DCX: variants seen among roughly 807,000 people sequenced by gnomAD.
DCX encodes the protein doublecortin.
DCX carries 4 observed loss-of-function variants against 20.9 expected under a neutral mutation model. The observed-to-expected ratio is 0.19, with a 90% CI of 0.09 to 0.44. DCX has a LOEUF of 0.44. Among genes scored for constraint, DCX ranks in the 20% least tolerant of loss-of-function variants. The pLI is 0.99. For missense variants in DCX, 133 were observed against 296.9 expected, an observed-to-expected ratio of 0.45 and a Z score of 4.06; for synonymous variants, 103 against 111.4, an observed-to-expected ratio of 0.92 and a Z score of 0.47.
At chrX:111,322,623 G>A (rs1246956917) in intron 5 of DCX, among the ~76,000 whole-genome samples, 1 of 112,462 alleles carries the variant, frequency 8.9e-6, no homozygotes, top group African/African-American at 3.2e-5. Context: ...AGACCCTGTG[G>A]TTTTCACAAA....
intron 3 of DCX, among the ~76,000 whole-genome samples, chrX:111,389,314 T>C (rs1043497259): frequency 9.0e-6 from 1 of 111,699 alleles, no homozygotes; most frequent in African/African-American, 3.3e-5. Flanking sequence ...TAGCAATTCC[T>C]GGGCTCTTAT....
At position 111,335,929 on chromosome X, in the gene DCX, G is replaced by A. The variant is rs185908075; in HGVS notation, c.706-2776C>T. Among the ~76,000 whole-genome samples the A allele has an allele frequency of 3.5e-3, 383 of 110,193 alleles. 3 individuals are homozygous for A. Among genetic ancestry groups the A allele is most frequent in the African/African-American group, 0.012 (362 of 30,263 alleles). The stretch of plus-strand genomic sequence containing the variant: ...AGATCACACCACTGCACTCCAGCCC[G>A]GCAACAGAGAGAGACTCCGAAAAAA... On this transcript the variant is annotated intron_variant, in intron 3 of 6. Transcript: ENST00000636035.
chrX:111,356,835 C>T (rs1008297662), intron 3 of DCX, among the ~76,000 whole-genome samples: 1 of 111,618 alleles, frequency 9.0e-6, no homozygotes, highest in East Asian at 2.8e-4. Flanking sequence ...CTAAACTTTG[C>T]GAGACTGAGG....
intron 3 of DCX, among the ~76,000 whole-genome samples, chrX:111,370,499 G>A (rs1924986451): frequency 9.0e-6 from 1 of 111,621 alleles, no homozygotes; most frequent in East Asian, 2.8e-4. Context: ...TCTATAGCAT[G>A]ATATCTCAAC....
chrX:111,378,431 C>T (rs1179300878), intron 3 of DCX, among the ~76,000 whole-genome samples: 2 of 111,699 alleles, frequency 1.8e-5, no homozygotes, highest in Non-Finnish European at 3.8e-5. Flanking sequence ...TTTTAACAAG[C>T]TACCCACATG....
intron 5 of DCX, among the ~76,000 whole-genome samples, chrX:111,325,869 C>T (rs764936696): frequency 1.8e-5 from 2 of 111,988 alleles, no homozygotes; most frequent in East Asian, 5.6e-4. Context: ...AAATCACATA[C>T]ATGATTTACA....
rs138186084 is a variant in DCX, at chrX:111,324,846, C to A, written c.946+6058G>T. ...ACTTTAGAGGGGTACTTTGCACATT[C>A]AGTTGTATGTAAACACAAGTCCCAA... is the stretch of plus-strand genomic sequence containing the variant. On this transcript the variant is annotated intron_variant, in intron 5 of 6. Coordinates refer to ENST00000636035, the MANE Select transcript of DCX (RefSeq NM_001195553.2). Among the ~76,000 whole-genome samples, 298 of 111,654 alleles carry A rather than the reference C, an allele frequency of 2.7e-3. 1 individual carries two copies. Among genetic ancestry groups the A allele is most frequent in the African/African-American group, 9.4e-3 (288 of 30,743 alleles).
chrX:111,334,977 G>A (rs1921590459), intron 3 of DCX, among the ~76,000 whole-genome samples: 1 of 111,815 alleles, frequency 8.9e-6, no homozygotes, highest in South Asian at 3.8e-4. Flanking sequence ...AGGCTACATG[G>A]TTTTGAGCCT....
intron 3 of DCX, among the ~76,000 whole-genome samples, chrX:111,346,699 T>C (rs1232056249): frequency 1.8e-5 from 2 of 112,220 alleles, no homozygotes; most frequent in Non-Finnish European, 3.8e-5. Flanking sequence ...TAAAATTAAT[T>C]GCACACATTA....
chrX:111,391,361 CTG>C (rs766986428), intron 3 of DCX, among the ~76,000 whole-genome samples: 3 of 111,583 alleles, frequency 2.7e-5, no homozygotes, highest in Non-Finnish European at 5.6e-5. Flanking sequence ...GCCTGTGGAA[CTG>C]TGAGTCAATT....
At chrX:111,314,673 A>G (rs2095065427) in intron 5 of DCX, among the ~76,000 whole-genome samples, 1 of 111,801 alleles carries the variant, frequency 8.9e-6, no homozygotes, top group Non-Finnish European at 1.9e-5. Flanking sequence ...TGAGTTGCAT[A>G]TGTTAAATTA....
intron 5 of DCX, among the ~76,000 whole-genome samples, chrX:111,328,920 C>T (rs2095105928): frequency 9.1e-6 from 1 of 110,369 alleles, no homozygotes; most frequent in African/African-American, 3.3e-5. Context: ...AATTTCTTGC[C>T]CACCAAAACT....
chrX:111,315,142 G>C (rs1303932037), intron 5 of DCX, among the ~76,000 whole-genome samples: 1 of 109,048 alleles, frequency 9.2e-6, no homozygotes, highest in Non-Finnish European at 1.9e-5. Context: ...TTTTGTATAA[G>C]GTGTAAGGAA....
intron 3 of DCX, among the ~76,000 whole-genome samples, chrX:111,367,558 G>T (rs1924723116): frequency 8.9e-6 from 1 of 111,756 alleles, no homozygotes; most frequent in Admixed American, 9.5e-5. Context: ...ATGCTCTGCT[G>T]TAAAATGCGT....
At chrX:111,403,359 T>C (rs2147266149) in intron 2 of DCX, among the ~76,000 whole-genome samples, 1 of 112,076 alleles carries the variant, frequency 8.9e-6, no homozygotes, top group African/African-American at 3.2e-5. Flanking sequence ...TATTAGGACT[T>C]TGGACTTTTT....
At chrX:111,333,893 G>A (rs1264541696) in intron 3 of DCX, among the ~76,000 whole-genome samples, 2 of 111,666 alleles carry the variant, frequency 1.8e-5, no homozygotes, top group Non-Finnish European at 3.8e-5. Context: ...AGAGATGAGG[G>A]TCCCTGGGAA....
intron 1 of DCX, chrX:111,411,619 T>C (rs1928722823): frequency 8.9e-6 from 1 of 112,026 alleles, no homozygotes. Context: ...ACTATTAACA[T>C]GCATCTCACA....
At chrX:111,382,685 G>C (rs1926071504) in intron 3 of DCX, among the ~76,000 whole-genome samples, 1 of 111,364 alleles carries the variant, frequency 9.0e-6, no homozygotes, top group South Asian at 3.8e-4. Flanking sequence ...GGATCTGTTG[G>C]GGAGATAGAC....
rs192686850 is a variant in DCX, at chrX:111,409,471, A to G, written c.364+564T>C. ...ACAGCTTTCTTTGGTATTTCTCCCA[A>G]TGACCTCAGCCTTAGGGACACACCC... On this transcript the variant is annotated intron_variant, in intron 2 of 6. Coordinates refer to ENST00000636035, the MANE Select transcript of DCX (RefSeq NM_001195553.2). Among the ~76,000 whole-genome samples the G allele has an allele frequency of 9.8e-5, 11 of 111,811 alleles. No individual in the cohort carries two copies. The East Asian group carries it at 2.3e-3, about 23-fold the overall frequency.
Sources: gnomAD v4.1 joint callset for allele counts (sites outside exome capture counted in the v4.1 genomes callset) on GRCh38, gnomAD v4.1.1 for gene constraint, MANE v1.5 for transcripts, NCBI Gene and HGNC (gene_info 2026-07-23, HGNC 2026-07-21) for gene names.